Variants in FNDC1 observed in about 807,000 individuals in gnomAD.
FNDC1 encodes the protein fibronectin type III domain-containing protein 1.
FNDC1 carries 96 observed loss-of-function variants against 168.0 expected under a neutral mutation model. The ratio of observed to expected loss-of-function variants is 0.57; its 90% CI spans 0.48 to 0.68. The LOEUF is 0.68. Ranked by LOEUF, FNDC1 falls within the 30% of genes least tolerant of loss-of-function variation. The pLI is 0.00. For synonymous variants in FNDC1, 1,099 were observed against 1,025.9 expected, an observed-to-expected ratio of 1.07 and a Z score of -1.36; for missense variants, 2,587 against 2,482.1, an observed-to-expected ratio of 1.04 and a Z score of -0.90.
rs1436975461 is a variant in FNDC1 at position 159,249,163 on chromosome 6, T to C, written c.4815T>C (p.Ala1605=). The C allele has an allele frequency of 6.2e-7, 1 of 1,611,118 alleles. No individual in the cohort carries two copies. Reference sequence around the variant, plus strand: ...TTCCTGAAGAAGAATTTGATCTGGCTGGAAGGAAACGATTTGTTGGTAAAT... The same window carrying C: ...TTCCTGAAGAAGAATTTGATCTGGCCGGAAGGAAACGATTTGTTGGTAAAT... ...SSFPEEEFDL[A]GRKRFVAPYV... is the part of the protein sequence containing the mutation. Residue 1605 remains alanine, a synonymous_variant, in exon 16 of 23, where the codon GCT becomes GCC. Coordinates refer to ENST00000297267, the MANE Select transcript of FNDC1 (RefSeq NM_032532.3).
At chr6:159,170,832 C>T (rs1040928532) in intron 1 of FNDC1, among the ~76,000 whole-genome samples, 26 of 152,148 alleles carry the variant, frequency 1.7e-4, no homozygotes, top group African/African-American at 6.0e-4. Context: ...TCTTTTTCTT[C>T]CCATTAGTGA....
In FNDC1 at chr6:159,236,208, T is replaced by C; in HGVS notation, c.3968-7T>C. 6.2e-7 allele frequency: 1 copy of C among 1,603,528 alleles called. No individual in the cohort carries two copies. Among genetic ancestry groups the C allele is most frequent in the Non-Finnish European group, 8.5e-7 (1 of 1,172,058 alleles). On this transcript the variant is annotated splice_polypyrimidine_tract_variant and splice_region_variant and intron_variant, in intron 11 of 22. Coordinates refer to ENST00000297267, the MANE Select transcript of FNDC1 (RefSeq NM_032532.3). ...GCTCTGTTATTTTTATTTTTGGTAC[T>C]GTGTAGGTTATAATGGCAGACCAAA...
intron 5 of FNDC1, among the ~76,000 whole-genome samples, chr6:159,219,052 T>TTG (rs1782764411): frequency 6.6e-6 from 1 of 151,370 alleles, no homozygotes. Flanking sequence ...CCCTCTTTTT[T>TTG]TTTTTTGTGA....
At chr6:159,215,482 G>A (rs903110631) in intron 5 of FNDC1, among the ~76,000 whole-genome samples, 1 of 152,168 alleles carries the variant, frequency 6.6e-6, no homozygotes, top group Admixed American at 6.5e-5. Context: ...TTTGTTCTTT[G>A]AAGCTTTGTC....
Position 159,233,311 on chromosome 6 carries a change from G to A in FNDC1, c.2799G>A (p.Gly933=). The stretch of plus-strand genomic sequence containing the variant: ...TCCCAGAGAACCCCAAATCCACAGG[G>A]GCAGATACACATCCTCAGGGCAAGT... ...EPIPENPKST[G]ADTHPQGKYS... The change falls in exon 11 of 23, where the codon GGG becomes GGA. Residue 933 remains glycine (G), a synonymous_variant. Transcript: ENST00000297267. The surrounding 1 kb of genome is among the most constrained non-coding windows in gnomAD (Gnocchi z 4.6). The A allele has an allele frequency of 6.2e-7, 1 of 1,613,888 alleles. No homozygotes were observed. Among genetic ancestry groups the A allele is most frequent in the Non-Finnish European group, 8.5e-7 (1 of 1,179,870 alleles).
At chr6:159,175,400 C>G (rs1032845658) in intron 1 of FNDC1, among the ~76,000 whole-genome samples, 1 of 152,168 alleles carries the variant, frequency 6.6e-6, no homozygotes, top group East Asian at 1.9e-4. Context: ...AGATCCCACA[C>G]TCTCCCTGCA....
In FNDC1 at chr6:159,200,060, T is replaced by C. The variant is rs776877147; in HGVS notation, c.369T>C (p.Val123=). 7.5e-6 allele frequency: 12 copies of C among 1,601,316 alleles called. No homozygotes were observed. Among genetic ancestry groups the C allele is most frequent in the Non-Finnish European group, 9.4e-6 (11 of 1,173,620 alleles). The change falls in exon 3 of 23, where the codon GTT becomes GTC. Residue 123 remains valine (V), a synonymous_variant. Coordinates refer to ENST00000297267, the MANE Select transcript of FNDC1 (RefSeq NM_032532.3). ...ACCACAGTGGAGTGAGCCGTCCTGTTTACAGAGCTGAAAGCCCACCTGGTA... is the reference window on the plus strand; with the variant it reads ...ACCACAGTGGAGTGAGCCGTCCTGTCTACAGAGCTGAAAGCCCACCTGGTA... ...AENHSGVSRP[V]YRAESPPGGE... is the part of the protein sequence containing the mutation.
intron 4 of FNDC1, among the ~76,000 whole-genome samples, chr6:159,206,379 A>C (rs1231148836): frequency 3.3e-5 from 5 of 152,254 alleles, no homozygotes; most frequent in African/African-American, 9.6e-5. Flanking sequence ...TTCACAGGAC[A>C]AAAGTTCATG....
intron 5 of FNDC1, among the ~76,000 whole-genome samples, chr6:159,216,186 TC>T (rs1426332103): frequency 6.6e-6 from 1 of 152,182 alleles, no homozygotes; most frequent in Admixed American, 6.5e-5. Context: ...GGTCTCGAAC[TC>T]CTGAATTCAG....
chr6:159,226,409 G>A (rs1782955538), intron 8 of FNDC1, 64 bp from the exon 9 acceptor site: 1 of 1,252,230 alleles, frequency 8.0e-7, no homozygotes, highest in Non-Finnish European at 1.1e-6. Context: ...GAGACCATGT[G>A]CTATTTACAT....
intron 14 of FNDC1, among the ~76,000 whole-genome samples, chr6:159,245,370 T>C (rs940235632): frequency 3.3e-5 from 5 of 152,230 alleles, no homozygotes; most frequent in Admixed American, 3.3e-4. Flanking sequence ...AATCATCCAC[T>C]AGTCACTTCT....
intron 4 of FNDC1, among the ~76,000 whole-genome samples, chr6:159,208,522 A>C (rs1782532268): frequency 7.0e-6 from 1 of 143,080 alleles, no homozygotes; most frequent in Non-Finnish European, 1.6e-5. Context: ...ATTGTCACTA[A>C]TGCAGTGGAT....
intron 11 of FNDC1, among the ~76,000 whole-genome samples, chr6:159,235,268 C>T (rs1396813723): frequency 1.3e-5 from 2 of 152,096 alleles, no homozygotes; most frequent in Non-Finnish European, 2.9e-5. Context: ...GTGCTTTAAA[C>T]CCTCCTTGTA....
chr6:159,253,651 A>G (rs955843625), intron 17 of FNDC1, among the ~76,000 whole-genome samples: 1 of 152,224 alleles, frequency 6.6e-6, no homozygotes, highest in Non-Finnish European at 1.5e-5. Flanking sequence ...GTAGGAAATC[A>G]CCAACGTGAT....
chr6:159,201,793 G>A (rs111787765), intron 4 of FNDC1, among the ~76,000 whole-genome samples: 163 of 152,342 alleles, frequency 1.1e-3, no homozygotes, highest in African/African-American at 3.8e-3. Context: ...ACTGATGGAT[G>A]TGTGTGCCTT....
At chr6:159,235,213 G>C (rs1386850164) in intron 11 of FNDC1, among the ~76,000 whole-genome samples, 3 of 152,158 alleles carry the variant, frequency 2.0e-5, no homozygotes, top group Admixed American at 2.0e-4. Flanking sequence ...TTATGTCCAG[G>C]GCAGGGTCCG....
At chr6:159,209,773 T>C (rs1449356265) in intron 4 of FNDC1, among the ~76,000 whole-genome samples, 5 of 152,154 alleles carry the variant, frequency 3.3e-5, no homozygotes, top group African/African-American at 1.2e-4. Flanking sequence ...GAGATCAAGG[T>C]CCTTTCCCTT....
intron 19 of FNDC1, among the ~76,000 whole-genome samples, chr6:159,262,607 T>G (rs1217666458): frequency 6.6e-6 from 1 of 152,162 alleles, no homozygotes. Flanking sequence ...TTAAAAAAAT[T>G]CAAATCCAAA....
At chr6:159,196,316 T>C (rs963776735) in intron 1 of FNDC1, among the ~76,000 whole-genome samples, 3 of 152,218 alleles carry the variant, frequency 2.0e-5, no homozygotes, top group African/African-American at 7.2e-5. Flanking sequence ...CATACTCTTC[T>C]TTCATCCCTT....
Sources: allele counts gnomAD v4.1 joint callset (sites outside exome capture counted in the v4.1 genomes callset), GRCh38; gene constraint gnomAD v4.1.1; non-coding constraint Gnocchi (gnomAD v3.1); transcripts MANE v1.5; gene names NCBI Gene and HGNC (gene_info 2026-07-23, HGNC 2026-07-21).